Variants in SMCHD1 observed in about 807,000 individuals in gnomAD.
The protein encoded by SMCHD1 is structural maintenance of chromosomes flexible hinge domain containing 1.
Under a neutral mutation model 254.7 loss-of-function variants are expected in SMCHD1, and 78 were observed. The observed-to-expected ratio is 0.31, with a 90% CI of 0.26 to 0.37. The LOEUF (loss-of-function observed/expected upper bound fraction) is 0.37. SMCHD1 is among the 10% of genes least tolerant of loss of function. The pLI is 1.00. For synonymous variants in SMCHD1, 766 were observed against 794.9 expected (o/e 0.96, Z 0.61); for missense variants, 1,840 against 2,408.1 (o/e 0.76, Z 4.94).
intron 42 of SMCHD1, 122 bp from the exon 43 acceptor site, chr18:2,777,684 G>C: frequency 1.8e-6 from 1 of 551,494 alleles, no homozygotes; most frequent in Non-Finnish European, 3.2e-6. Context: ...CACTTGTGGT[G>C]GATTGGGAAT....
intron 41 of SMCHD1, among the ~76,000 whole-genome samples, chr18:2,774,125 G>A (rs2076027754): frequency 6.6e-6 from 1 of 151,378 alleles, no homozygotes; most frequent in African/African-American, 2.5e-5. Context: ...GCAGTTTTAA[G>A]ATTTTTTTTT....
chr18:2,745,478 T>C (rs1223865817), intron 29 of SMCHD1, among the ~76,000 whole-genome samples: 1 of 152,236 alleles, frequency 6.6e-6, no homozygotes, highest in East Asian at 1.9e-4. Context: ...AAACTGGTTG[T>C]GACAGTGTGC....
rs1329386760 is a variant in SMCHD1 at position 2,718,414 on chromosome 18, C to T, written c.2438C>T (p.Ala813Val). The change falls in exon 19 of 48, where the codon GCA becomes GTA. Residue 813 changes from alanine (A) to valine (V), a missense_variant. This residue lies in a region of SMCHD1 where 59 missense variants were observed against 99.2 expected (regional missense o/e 0.59). Coordinates refer to ENST00000320876, the MANE Select transcript of SMCHD1 (RefSeq NM_015295.3). The surrounding 1 kb of genome is among the most constrained non-coding windows in gnomAD (Gnocchi z 4.6). The part of the protein sequence containing the change: ...TYAGRPLPSK[A>V]IKFSVKEGKP... ...GCAGGAAGACCACTACCATCTAAAG[C>T]AATTAAGTTTTCTGTTAAAGGTAAG... The T allele has an allele frequency of 6.2e-7, 1 of 1,608,518 alleles. No individual in the cohort carries two copies. The highest frequency in any genetic ancestry group is 1.3e-5 in the African/African-American group (1 of 74,728).
intron 17 of SMCHD1, among the ~76,000 whole-genome samples, chr18:2,714,640 T>TA (rs1350827680): frequency 6.6e-6 from 1 of 152,138 alleles, no homozygotes; most frequent in African/African-American, 2.4e-5. Context: ...TGTTTTATAA[T>TA]ACCTGTGAAT....
At chr18:2,770,163 G>C in intron 39 of SMCHD1, 55 bp downstream of exon 39, 1 of 1,543,492 alleles carries the variant, frequency 6.5e-7, no homozygotes, top group South Asian at 1.2e-5. Context: ...GATGAGGCAG[G>C]TGAGATCGTG....
At chr18:2,773,139 G>A (rs574077299) in intron 41 of SMCHD1, among the ~76,000 whole-genome samples, 2 of 152,248 alleles carry the variant, frequency 1.3e-5, no homozygotes, top group South Asian at 2.1e-4. Flanking sequence ...GTGTAGCAAT[G>A]TGTATGACCA....
At chr18:2,667,063 A>G (rs2073460521) in intron 3 of SMCHD1, 32 bp downstream of exon 3, 2 of 1,476,858 alleles carry the variant, frequency 1.4e-6, no homozygotes, top group East Asian at 2.5e-5. Flanking sequence ...ATTTTGATAA[A>G]TTATTACCTG....
intron 5 of SMCHD1, among the ~76,000 whole-genome samples, chr18:2,685,289 T>C (rs1022097760): frequency 4.6e-5 from 7 of 151,732 alleles, no homozygotes; most frequent in Non-Finnish European, 1.0e-4. Context: ...TTAGTAGAGA[T>C]GGGGTTTCTC....
At chr18:2,675,856 CTT>C (rs1225386252) in intron 5 of SMCHD1, among the ~76,000 whole-genome samples, 1 of 152,162 alleles carries the variant, frequency 6.6e-6, no homozygotes, top group Non-Finnish European at 1.5e-5. Flanking sequence ...ACAAAACAAA[CTT>C]TTAAACTTAA....
At chr18:2,754,055 T>C (rs1393799095) in intron 34 of SMCHD1, among the ~76,000 whole-genome samples, 1 of 152,188 alleles carries the variant, frequency 6.6e-6, no homozygotes, top group Non-Finnish European at 1.5e-5. Flanking sequence ...TTGTAGGAGT[T>C]CTTTATATAT....
At position 2,729,709 on chromosome 18, in the gene SMCHD1, C is replaced by CT. The variant is rs72203094; in HGVS notation, c.3048+314dup. Among the ~76,000 whole-genome samples the CT allele has an allele frequency of 4.1e-3, 576 of 140,464 alleles. 2 individuals carry two copies. The highest frequency in any genetic ancestry group is 6.0e-3 in the African/African-American group (230 of 38,122). The allele number at this position is 140,464 out of a possible 152,430, so 92.1% of individuals were successfully genotyped here. On this transcript the variant is annotated intron_variant, in intron 24 of 47. Coordinates refer to ENST00000320876, the MANE Select transcript of SMCHD1 (RefSeq NM_015295.3). ...TAAAATACATAATTTTATTCTTTCG[C>CT]TTTTTTTTTTTTTTAAAGAGATAGG...
At chr18:2,748,103 CTACTGGAACATACTGA>C (rs1185209272) in intron 30 of SMCHD1, among the ~76,000 whole-genome samples, 10 of 152,164 alleles carry the variant, frequency 6.6e-5, no homozygotes, top group Non-Finnish European at 1.5e-4. Flanking sequence ...CTGGGCAGAG[CTACTGGAACATACTGA>C]TATATTTTAG....
chr18:2,666,020 T>G (rs999767960), intron 1 of SMCHD1, 137 bp from the exon 2 acceptor site: 4 of 485,884 alleles, frequency 8.2e-6, no homozygotes, highest in Non-Finnish European at 1.1e-5. Context: ...TTAGATATAC[T>G]GAGTTTTGTA....
In SMCHD1 at chr18:2,666,085, T is replaced by C. The variant is rs621302; in HGVS notation, c.187-72T>C. The C allele has an allele frequency of 0.081, 56,840 of 704,654 alleles. 8,228 individuals carry two copies. Among genetic ancestry groups the C allele is most frequent in the African/African-American group, 0.51 (28,202 of 55,614 alleles). 43.7% of individuals were successfully genotyped at this position (704,654 alleles called of 1,614,324 possible). A position where few individuals can be genotyped will look rare whatever the true frequency, so the allele number is the denominator to read the frequency against. On this transcript the variant is annotated intron_variant, in intron 1 of 47. Coordinates refer to ENST00000320876, the MANE Select transcript of SMCHD1 (RefSeq NM_015295.3). ...TTATAATGTACTATCAATATTTTCA[T>C]ATTTTTATAAATTTGAATAATACAT...
intron 7 of SMCHD1, among the ~76,000 whole-genome samples, chr18:2,691,410 C>G (rs1008800727): frequency 6.6e-6 from 1 of 152,162 alleles, no homozygotes; most frequent in African/African-American, 2.4e-5. Flanking sequence ...CTTTTCCAGC[C>G]TATTTTTGTT....
chr18:2,754,923 G>A (rs2075645095), intron 34 of SMCHD1, among the ~76,000 whole-genome samples: 1 of 151,844 alleles, frequency 6.6e-6, no homozygotes, highest in Non-Finnish European at 1.5e-5. Context: ...ATCACATGAG[G>A]TCCATCGTAA....
At chr18:2,748,512 C>T (rs62077666) in intron 30 of SMCHD1, among the ~76,000 whole-genome samples, 6 of 75,096 alleles carry the variant, frequency 8.0e-5, no homozygotes, top group Admixed American at 3.2e-4. Context: ...CTCCTGCCTC[C>T]GCCTCCTGAG....
In SMCHD1 at chr18:2,694,704, A is replaced by G. The variant is rs1340686348; in HGVS notation, c.1040+11A>G. The G allele has an allele frequency of 6.8e-6, 11 of 1,606,812 alleles. No individual in the cohort carries two copies. Among genetic ancestry groups the G allele is most frequent in the Non-Finnish European group, 8.5e-7 (1 of 1,177,496 alleles). On this transcript the variant is annotated intron_variant, in intron 8 of 47. Coordinates refer to ENST00000320876, the MANE Select transcript of SMCHD1 (RefSeq NM_015295.3). The stretch of plus-strand genomic sequence containing the variant: ...GACACGACAGTTAGCGTAAGTAATT[A>G]TATTTGGCTTAGGAAATGTTGCTAC...
At chr18:2,700,434 A>G (rs2074375654) in intron 10 of SMCHD1, 105 bp from the exon 11 acceptor site, 5 of 1,232,850 alleles carry the variant, frequency 4.1e-6, no homozygotes, top group South Asian at 3.2e-5. Flanking sequence ...GTATAAAACT[A>G]CCTTTAGGTT....
Sources: allele counts gnomAD v4.1 joint callset (sites outside exome capture counted in the v4.1 genomes callset), GRCh38; gene constraint gnomAD v4.1.1; regional missense constraint gnomAD v4.1.1; non-coding constraint Gnocchi (gnomAD v3.1); transcripts MANE v1.5; gene names NCBI Gene and HGNC (gene_info 2026-07-23, HGNC 2026-07-21).